The following RYR2 variants were observed in gnomAD, a reference collection of about 807,000 sequenced individuals.
RYR2 encodes cardiac muscle ryanodine receptor-calcium release channel.
Under a neutral mutation model 601.1 loss-of-function variants are expected in RYR2, and 227 were observed. That is an observed-to-expected ratio of 0.38 (90% CI 0.34 to 0.42). RYR2 has a LOEUF of 0.42. Among genes scored for constraint, RYR2 ranks in the 10% least tolerant of loss-of-function variants. The pLI, the probability that RYR2 is intolerant of heterozygous loss-of-function variation, is 1.00. For missense variants in RYR2, 4,646 were observed against 6,156.5 expected (o/e 0.75, Z 8.21); for synonymous variants, 2,223 against 2,175.1 (o/e 1.02, Z -0.61).
At chr1:237,339,814 G>A (rs1480404550) in intron 3 of RYR2, among the ~76,000 whole-genome samples, 1 of 152,030 alleles carries the variant, frequency 6.6e-6, no homozygotes, top group Non-Finnish European at 1.5e-5. Flanking sequence ...TCATCTATAG[G>A]CACAAAAAGG....
intron 1 of RYR2, among the ~76,000 whole-genome samples, chr1:237,158,536 T>C (rs1675646749): frequency 6.6e-6 from 1 of 152,232 alleles, no homozygotes; most frequent in African/African-American, 2.4e-5. Flanking sequence ...CAGACAATTT[T>C]CCCTTATTTT....
At chr1:237,327,410 T>C (rs1696275215) in intron 2 of RYR2, among the ~76,000 whole-genome samples, 1 of 152,230 alleles carries the variant, frequency 6.6e-6, no homozygotes, top group African/African-American at 2.4e-5. Context: ...GAAACCCATG[T>C]GGTTTTCAAG....
chr1:237,508,459 T>TA (rs34859942), intron 23 of RYR2, among the ~76,000 whole-genome samples: 46,521 of 140,948 alleles, frequency 0.33, 8,587 homozygotes, highest in East Asian at 0.49. Context: ...AAGTTCCCAT[T>TA]AAAAAAAAAA....
chr1:237,637,244 C>T (rs915969204), intron 44 of RYR2, among the ~76,000 whole-genome samples: 1 of 152,120 alleles, frequency 6.6e-6, no homozygotes, highest in Non-Finnish European at 1.5e-5. Flanking sequence ...ATATTTGAAA[C>T]TGATTTAACT....
intron 2 of RYR2, among the ~76,000 whole-genome samples, chr1:237,287,952 G>A (rs1039967392): frequency 6.6e-6 from 1 of 152,190 alleles, no homozygotes; most frequent in African/African-American, 2.4e-5. Context: ...CTGTCAGAGG[G>A]AGGGTCTAGG....
intron 24 of RYR2, among the ~76,000 whole-genome samples, chr1:237,524,433 C>T (rs1667379511): frequency 6.6e-6 from 1 of 152,064 alleles, no homozygotes; most frequent in Non-Finnish European, 1.5e-5. Flanking sequence ...GCATGGGGGA[C>T]CTCATGGGCT....
In RYR2 at chr1:237,506,722, C is replaced by T. The variant is rs1328818657; in HGVS notation, c.2626C>T (p.Pro876Ser). 1.9e-6 allele frequency: 3 copies of T among 1,611,836 alleles called. No homozygotes were observed. The highest frequency in any genetic ancestry group is 2.7e-5 in the African/African-American group (2 of 74,790). The change falls in exon 23 of 105, where the codon CCT (proline) becomes TCT (serine). Residue 876 changes from proline to serine, a missense_variant. Physicochemically the swap from Pro to Ser is moderately conservative, Grantham distance 74 (BLOSUM62 -1). Around this residue, in one of 17 missense-constraint regions of RYR2, gnomAD observed 1,807 missense variants for 2,088.1 expected, o/e 0.87. Transcript: ENST00000366574. ...PVDTSQIVLP[P>S]HLERIREKLA... ...TTGTAAATTTTAGATCGTGTTGCCT[C>T]CTCATCTAGAAAGAATAAGAGAAAA... is the stretch of plus-strand genomic sequence containing the variant.
chr1:237,752,109 G>T (rs1401442736), intron 80 of RYR2, among the ~76,000 whole-genome samples: 1 of 152,092 alleles, frequency 6.6e-6, no homozygotes, highest in Non-Finnish European at 1.5e-5. Context: ...AACTGTACTG[G>T]ATGTACAGTA....
At chr1:237,091,008 T>C (rs1212564517) in intron 1 of RYR2, among the ~76,000 whole-genome samples, 1 of 152,220 alleles carries the variant, frequency 6.6e-6, no homozygotes, top group South Asian at 2.1e-4. Flanking sequence ...ATGTCATACA[T>C]TTATTTTTGG....
rs185690991 is a variant in RYR2, at chr1:237,082,417, G to T, written c.48+39848G>T. ...ATGAAGTATTAAAATTGCTATTGTCGATGCACCTTTGTATTAATTTGTTGG... is the reference window on the plus strand; with the variant it reads ...ATGAAGTATTAAAATTGCTATTGTCTATGCACCTTTGTATTAATTTGTTGG... On this transcript the variant is annotated intron_variant, in intron 1 of 104. Transcript: ENST00000366574. Among the ~76,000 whole-genome samples, 48 of 151,062 alleles carry T rather than the reference G, an allele frequency of 3.2e-4. 1 individual carries two copies. In the East Asian group the frequency reaches 4.3e-3, roughly 14 times the overall value.
intron 38 of RYR2, among the ~76,000 whole-genome samples, chr1:237,621,279 C>T (rs547451423): frequency 1.3e-5 from 2 of 152,122 alleles, no homozygotes; most frequent in Non-Finnish European, 2.9e-5. Context: ...AGGGAAATTT[C>T]TAACACTCAA....
chr1:237,794,728 T>C (rs1658889716), intron 95 of RYR2, among the ~76,000 whole-genome samples: 1 of 152,240 alleles, frequency 6.6e-6, no homozygotes. Context: ...CAAATGGAGA[T>C]TATTTATACA....
chr1:237,484,255 T>G (rs980934694), intron 17 of RYR2, among the ~76,000 whole-genome samples: 1 of 152,200 alleles, frequency 6.6e-6, no homozygotes, highest in Non-Finnish European at 1.5e-5. Context: ...CCTTCATGAA[T>G]AGAGAACTAG....
intron 99 of RYR2, among the ~76,000 whole-genome samples, chr1:237,807,139 G>C (rs1325162907): frequency 1.3e-5 from 2 of 152,136 alleles, no homozygotes; most frequent in Non-Finnish European, 2.9e-5. Context: ...TGTCACTTTA[G>C]GTTCTGAGTA....
intron 25 of RYR2, among the ~76,000 whole-genome samples, chr1:237,547,520 A>G (rs1179266625): frequency 2.0e-5 from 3 of 152,214 alleles, no homozygotes; most frequent in East Asian, 1.9e-4. Context: ...AAAATGAATC[A>G]GAAACAGATC....
intron 3 of RYR2, among the ~76,000 whole-genome samples, chr1:237,340,558 C>T (rs1053365132): frequency 6.6e-5 from 10 of 152,088 alleles, no homozygotes; most frequent in Admixed American, 2.6e-4. Context: ...GTAGACAATA[C>T]GATGCTACTA....
intron 1 of RYR2, among the ~76,000 whole-genome samples, chr1:237,140,341 T>C (rs189484745): frequency 6.6e-6 from 1 of 152,318 alleles, no homozygotes; most frequent in Non-Finnish European, 1.5e-5. Context: ...AAATTAACTT[T>C]AGTGGTATTG....
At chr1:237,350,614 T>A (rs868016229) in intron 3 of RYR2, among the ~76,000 whole-genome samples, 1 of 98,658 alleles carries the variant, frequency 1.0e-5, no homozygotes, top group Non-Finnish European at 1.9e-5. Flanking sequence ...TATATATATA[T>A]ATATATATAT....
chr1:237,479,530 C>G (rs920274022), intron 17 of RYR2, among the ~76,000 whole-genome samples: 1 of 152,106 alleles, frequency 6.6e-6, no homozygotes, highest in East Asian at 1.9e-4. Flanking sequence ...AATGATAGCT[C>G]TCAATAAATA....
Sources: allele counts gnomAD v4.1 joint callset (sites outside exome capture counted in the v4.1 genomes callset), GRCh38; gene constraint gnomAD v4.1.1; regional missense constraint gnomAD v4.1.1; transcripts MANE v1.5; gene names NCBI Gene and HGNC (gene_info 2026-07-23, HGNC 2026-07-21).